Variants in ZMYM2 observed in about 807,000 individuals in gnomAD.
ZMYM2 encodes the protein zinc finger MYM-type containing 2.
Under a neutral mutation model 162.8 loss-of-function variants are expected in ZMYM2, and 56 were observed. The observed-to-expected ratio is 0.34, with a 90% CI of 0.28 to 0.43. ZMYM2 has a LOEUF of 0.43. ZMYM2 is among the 20% of genes least tolerant of loss of function. The pLI is 1.00. For missense variants in ZMYM2, 1,275 were observed against 1,621.8 expected (o/e 0.79, Z 3.67); for synonymous variants, 510 against 541.6 (o/e 0.94, Z 0.81).
chr13:20,014,095 A>G (rs2140093985), intron 6 of ZMYM2, among the ~76,000 whole-genome samples: 1 of 152,118 alleles, frequency 6.6e-6, no homozygotes, highest in South Asian at 2.1e-4. Context: ...TGTTTGTGAG[A>G]CAGAGTCTCA....
intron 4 of ZMYM2, among the ~76,000 whole-genome samples, chr13:20,004,153 C>T (rs923985029): frequency 3.3e-5 from 5 of 152,216 alleles, no homozygotes; most frequent in African/African-American, 1.2e-4. Flanking sequence ...ACAATTGTTA[C>T]ACAGATTGCT....
At chr13:19,992,988 A>G in intron 2 of ZMYM2, 75 bp from the exon 3 acceptor site, 1 of 1,456,724 alleles carries the variant, frequency 6.9e-7, no homozygotes, top group Middle Eastern at 1.8e-4. Context: ...AGTACCCTTT[A>G]AATCAATGGT....
intron 21 of ZMYM2, among the ~76,000 whole-genome samples, chr13:20,068,898 T>C (rs1956878691): frequency 6.6e-6 from 1 of 152,146 alleles, no homozygotes; most frequent in South Asian, 2.1e-4. Flanking sequence ...TTTGGGGTTA[T>C]GTATGGAATT....
intron 10 of ZMYM2, among the ~76,000 whole-genome samples, chr13:20,033,446 C>T (rs888717836): frequency 6.6e-6 from 1 of 152,118 alleles, no homozygotes; most frequent in African/African-American, 2.4e-5. Context: ...TTGCCTTCCT[C>T]CTTCTATAAA....
At chr13:19,935,362 C>T in the ZMYM2 span, among the ~76,000 whole-genome samples, 1 of 150,732 alleles carries the variant, frequency 6.6e-6, no homozygotes, top group Non-Finnish European at 1.5e-5. Flanking sequence ...GTCTTGAACT[C>T]CTGACCTCAA....
At position 20,074,640 on chromosome 13, in the gene ZMYM2, G is replaced by A. The variant is rs6490512; in HGVS notation, c.3453+7250G>A. ...TGCAAGCTCCGCCTCCTGGGTTCAC[G>A]CCATTCTCCTGCCTCAGCCTCCCGA... On this transcript the variant is annotated intron_variant, in intron 21 of 24. Transcript: ENST00000610343. Among the ~76,000 whole-genome samples, 783 of 151,070 alleles carry A rather than the reference G, an allele frequency of 5.2e-3. 10 individuals are homozygous for A. Among genetic ancestry groups the A allele is most frequent in the African/African-American group, 0.018 (725 of 41,092 alleles).
chr13:20,083,687 A>G lies in ZMYM2; in HGVS notation c.3852A>G (p.Glu1284=), dbSNP rs1958053515. Reference sequence around the variant, plus strand: ...TTACTACTGGAAAAAGAAAACATGAAGATGATGAGCCAGTATTTGAACAAA... The same window carrying G: ...TTACTACTGGAAAAAGAAAACATGAGGATGATGAGCCAGTATTTGAACAAA... ...DKITTGKRKH[E]DDEPVFEQIE... The change falls in exon 24 of 25, where the codon GAA becomes GAG. Residue 1284 remains glutamate (E), a synonymous_variant. Coordinates refer to ENST00000610343, the MANE Select transcript of ZMYM2 (RefSeq NM_197968.4). 1 of 1,564,006 alleles carries G rather than the reference A, an allele frequency of 6.4e-7. No homozygotes were observed. Among genetic ancestry groups the G allele is most frequent in the Non-Finnish European group, 8.7e-7 (1 of 1,148,198 alleles).
chr13:20,053,779 G>A (rs1208235079), intron 14 of ZMYM2, among the ~76,000 whole-genome samples: 1 of 152,154 alleles, frequency 6.6e-6, no homozygotes. Context: ...GATGTTAATA[G>A]TTGGACAGAA....
At chr13:20,056,945 A>G (rs73154129) in intron 14 of ZMYM2, among the ~76,000 whole-genome samples, 9,770 of 152,152 alleles carry the variant, frequency 0.064, 363 homozygotes, top group African/African-American at 0.099. Flanking sequence ...ACTTTGGGTA[A>G]GAAAATCACT....
At chr13:20,051,854 T>A (rs149824647) in intron 13 of ZMYM2, among the ~76,000 whole-genome samples, 2 of 152,320 alleles carry the variant, frequency 1.3e-5, no homozygotes, top group East Asian at 3.9e-4. Context: ...TAAACAGTGC[T>A]ATAACACAAA....
At chr13:19,870,919 G>A in the ZMYM2 span, among the ~76,000 whole-genome samples, 13 of 152,010 alleles carry the variant, frequency 8.6e-5, no homozygotes, top group African/African-American at 2.7e-4. Flanking sequence ...GAACCACTGC[G>A]CCTGGCCTTA....
chr13:19,977,903 G>T lies in ZMYM2; in HGVS notation c.-10-15160G>T, dbSNP rs192540334. Among the ~76,000 whole-genome samples the T allele has an allele frequency of 4.2e-3, 620 of 148,216 alleles. 5 individuals carry two copies. Among genetic ancestry groups the T allele is most frequent in the African/African-American group, 0.013 (521 of 40,208 alleles). ...AAGTTTTTTTTTTTTTTGAGACGGG[G>T]TCTTGCTGTGTCGCCCAGGCTGGAG... is the stretch of plus-strand genomic sequence containing the variant. On this transcript the variant is annotated intron_variant, in intron 2 of 24. Coordinates refer to ENST00000610343, the MANE Select transcript of ZMYM2 (RefSeq NM_197968.4).
rs541423886 is a variant in ZMYM2 at position 20,019,410 on chromosome 13, C to G, written c.1513-137C>G. Reference sequence around the variant, plus strand: ...CAGTAGTGGGGACAGGACAGGCAGACATTTTTAAAAGTTGGAATGAGTTTG... The same window carrying G: ...CAGTAGTGGGGACAGGACAGGCAGAGATTTTTAAAAGTTGGAATGAGTTTG... On this transcript the variant is annotated intron_variant, in intron 6 of 24. Coordinates refer to ENST00000610343, the MANE Select transcript of ZMYM2 (RefSeq NM_197968.4). 20 of 663,142 alleles carry G rather than the reference C, an allele frequency of 3.0e-5. No individual in the cohort carries two copies. In the African/African-American group the frequency reaches 3.6e-4, roughly 12 times the overall value. The allele number at this position is 663,142 out of a possible 1,614,324, so 41.1% of individuals were successfully genotyped here. A position where few individuals can be genotyped will look rare whatever the true frequency, so the allele number is the denominator to read the frequency against.
the ZMYM2 span, among the ~76,000 whole-genome samples, chr13:19,902,004 G>A: frequency 6.6e-6 from 1 of 151,972 alleles, no homozygotes. Flanking sequence ...GCCCAGGCTG[G>A]TCTCAAATGC....
At chr13:19,947,855 C>T in the ZMYM2 span, among the ~76,000 whole-genome samples, 1 of 152,060 alleles carries the variant, frequency 6.6e-6, no homozygotes, top group Admixed American at 6.6e-5. Context: ...AAGATGACCG[C>T]TCTATTCTCA....
At position 20,082,010 on chromosome 13, in the gene ZMYM2, T is replaced by A. The variant is rs1271302391; in HGVS notation, c.3454-6T>A. 2.6e-6 allele frequency: 4 copies of A among 1,516,050 alleles called. No individual in the cohort carries two copies. The highest frequency in any genetic ancestry group is 3.5e-6 in the Non-Finnish European group (4 of 1,131,774). The allele number at this position is 1,516,050 out of a possible 1,614,324, so 93.9% of individuals were successfully genotyped here. On this transcript the variant is annotated splice_polypyrimidine_tract_variant and splice_region_variant and intron_variant, in intron 21 of 24. Coordinates refer to ENST00000610343, the MANE Select transcript of ZMYM2 (RefSeq NM_197968.4). ...AAAGTTTGTGGGGCTTTTTTTTTTTTTATAGTATTTGTGTGGAAGTAATCG... is the reference window on the plus strand; with the variant it reads ...AAAGTTTGTGGGGCTTTTTTTTTTTATATAGTATTTGTGTGGAAGTAATCG...
At chr13:20,008,745 T>G (rs957298431) in intron 6 of ZMYM2, among the ~76,000 whole-genome samples, 9 of 152,236 alleles carry the variant, frequency 5.9e-5, no homozygotes, top group African/African-American at 1.4e-4. Context: ...TCCTTTTTTT[T>G]TGTGCATTCT....
At chr13:19,885,943 A>ACACACATATATGTG in the ZMYM2 span, among the ~76,000 whole-genome samples, 67 of 24,414 alleles carry the variant, frequency 2.7e-3, 20 homozygotes, top group South Asian at 0.014. Flanking sequence ...ACACATATAT[A>ACACACATATATGTG]TGTATATACA....
intron 21 of ZMYM2, among the ~76,000 whole-genome samples, chr13:20,077,067 C>T (rs1032965962): frequency 2.0e-5 from 3 of 150,254 alleles, no homozygotes; most frequent in East Asian, 1.9e-4. Flanking sequence ...TGATTACAGG[C>T]GTGAGCCACC....
Sources: gnomAD v4.1 joint callset for allele counts (sites outside exome capture counted in the v4.1 genomes callset) on GRCh38, gnomAD v4.1.1 for gene constraint, MANE v1.5 for transcripts, NCBI Gene and HGNC (gene_info 2026-07-23, HGNC 2026-07-21) for gene names.